Variants in DMD observed in about 807,000 individuals in gnomAD.
DMD encodes mutant dystrophin.
In DMD, 63 loss-of-function variants were observed where a neutral mutation model predicts 330.1. That is an observed-to-expected ratio of 0.19 (90% CI 0.16 to 0.24). The LOEUF is 0.24. Ranked by LOEUF, DMD falls within the 10% of genes least tolerant of loss-of-function variation. DMD has a pLI of 1.00. For synonymous variants in DMD, 1,223 were observed against 959.8 expected, an observed-to-expected ratio of 1.27 and a Z score of -5.07; for missense variants, 3,344 against 2,684.1, an observed-to-expected ratio of 1.25 and a Z score of -5.43.
At chrX:32,517,841 C>T (rs1033962446) in intron 18 of DMD, 167 bp downstream of exon 18, 1 of 574,239 alleles carries the variant, frequency 1.7e-6, no homozygotes, top group African/African-American at 2.3e-5. Context: ...TTTCTCTAGG[C>T]TAAACTTTGA....
At chrX:31,814,055 G>A (rs1482418767) in intron 50 of DMD, among the ~76,000 whole-genome samples, 1 of 110,757 alleles carries the variant, frequency 9.0e-6, no homozygotes, top group Non-Finnish European at 1.9e-5. Flanking sequence ...CCCTTATATA[G>A]TTGGTAGCAC....
At chrX:33,103,773 T>C (rs1192200145) in intron 1 of DMD, among the ~76,000 whole-genome samples, 1 of 111,823 alleles carries the variant, frequency 8.9e-6, no homozygotes, top group African/African-American at 3.2e-5. Context: ...TTTTGAGCTA[T>C]AATTTTTAAA....
intron 17 of DMD, among the ~76,000 whole-genome samples, chrX:32,523,148 G>A (rs183842718): frequency 3.3e-4 from 37 of 111,430 alleles, no homozygotes; most frequent in Non-Finnish European, 6.2e-4. Flanking sequence ...TTTGCACACT[G>A]TAGGGGCTCA....
At chrX:31,705,433 T>A (rs2084109405) in intron 52 of DMD, among the ~76,000 whole-genome samples, 1 of 112,568 alleles carries the variant, frequency 8.9e-6, no homozygotes, top group Non-Finnish European at 1.9e-5. Flanking sequence ...GTCTTAGGAG[T>A]CTTGGCCCTG....
At chrX:31,555,791 G>A (rs1055472205) in intron 55 of DMD, among the ~76,000 whole-genome samples, 7 of 112,071 alleles carry the variant, frequency 6.2e-5, no homozygotes, top group African/African-American at 1.9e-4. Context: ...GTTGTGTACT[G>A]CAGAATTCAA....
intron 60 of DMD, among the ~76,000 whole-genome samples, chrX:31,360,074 C>A (rs2058858073): frequency 9.3e-6 from 1 of 107,430 alleles, no homozygotes. Context: ...TTTTTTTTGG[C>A]ACTAGTAAAG....
chrX:31,640,112 C>A (rs1297405111), intron 54 of DMD, among the ~76,000 whole-genome samples: 2 of 111,627 alleles, frequency 1.8e-5, no homozygotes, highest in South Asian at 3.7e-4. Flanking sequence ...CATATACGAA[C>A]CTGAATTAAA....
chrX:31,658,642 G>A (rs917609395), intron 53 of DMD, among the ~76,000 whole-genome samples: 6 of 111,987 alleles, frequency 5.4e-5, no homozygotes, highest in South Asian at 3.7e-4. Context: ...TTCTAGTCAC[G>A]AATTTTTTGA....
intron 61 of DMD, among the ~76,000 whole-genome samples, chrX:31,342,601 G>A (rs1173737944): frequency 9.0e-6 from 1 of 110,611 alleles, no homozygotes; most frequent in African/African-American, 3.3e-5. Flanking sequence ...AACCTGGCTT[G>A]GAAAATATTC....
At chrX:32,404,915 G>A (rs903349393) in intron 30 of DMD, among the ~76,000 whole-genome samples, 5 of 111,177 alleles carry the variant, frequency 4.5e-5, no homozygotes, top group East Asian at 5.7e-4. Flanking sequence ...AAATTTGTGC[G>A]ATAGCTCTCA....
intron 44 of DMD, among the ~76,000 whole-genome samples, chrX:32,058,436 A>G (rs1331746715): frequency 9.1e-6 from 1 of 110,398 alleles, no homozygotes; most frequent in East Asian, 2.8e-4. Context: ...AATTGAATAG[A>G]TATTTCTCCA....
At chrX:32,193,294 A>G (rs2096984056) in intron 44 of DMD, among the ~76,000 whole-genome samples, 2 of 112,347 alleles carry the variant, frequency 1.8e-5, no homozygotes, top group African/African-American at 3.2e-5. Context: ...AAAGATTAAT[A>G]TAACACAACA....
intron 44 of DMD, among the ~76,000 whole-genome samples, chrX:32,006,356 G>A (rs1471188857): frequency 9.0e-6 from 1 of 111,650 alleles, no homozygotes; most frequent in African/African-American, 3.2e-5. Flanking sequence ...TAAAATAAAT[G>A]TTGGGAAATT....
intron 1 of DMD, among the ~76,000 whole-genome samples, chrX:33,171,142 A>G (rs1781548620): frequency 9.7e-6 from 1 of 103,295 alleles, no homozygotes. Context: ...TACTGAAATG[A>G]TAACTTCCGC....
chrX:31,627,898 A>G lies in DMD; in HGVS notation c.8028-36T>C, dbSNP rs369956942. ...CCAAATGTTCAGATGCAATTATTAA[A>G]TATCAGAATGGTGCACCTAGTGAAC... On this transcript the variant is annotated intron_variant, in intron 54 of 78. Transcript: ENST00000357033. 3.5e-6 allele frequency: 4 copies of G among 1,155,859 alleles called. No individual in the cohort carries two copies. In the African/African-American group the frequency reaches 7.1e-5, roughly 21 times the overall value.
chrX:32,190,340 A>G (rs1225829270), intron 44 of DMD, among the ~76,000 whole-genome samples: 1 of 108,975 alleles, frequency 9.2e-6, no homozygotes, highest in Non-Finnish European at 1.9e-5. Flanking sequence ...ACTAGACTGA[A>G]AAACTCCATC....
chrX:32,609,576 C>A (rs1265696955), intron 12 of DMD, among the ~76,000 whole-genome samples: 1 of 111,010 alleles, frequency 9.0e-6, no homozygotes, highest in Non-Finnish European at 1.9e-5. Context: ...ATGTCAGATC[C>A]TTTGGCAGAA....
chrX:31,151,901 G>A (rs2037462063), intron 74 of DMD, among the ~76,000 whole-genome samples: 2 of 112,035 alleles, frequency 1.8e-5, no homozygotes, highest in South Asian at 7.4e-4. Context: ...TGTAGAGCCT[G>A]TGGTCAATTC....
At chrX:31,717,424 T>C (rs967428693) in intron 52 of DMD, among the ~76,000 whole-genome samples, 2 of 111,988 alleles carry the variant, frequency 1.8e-5, no homozygotes, top group Admixed American at 1.9e-4. Context: ...TTTGGCATGG[T>C]ACCCAACATT....
Sources: allele counts gnomAD v4.1 joint callset (sites outside exome capture counted in the v4.1 genomes callset), GRCh38; gene constraint gnomAD v4.1.1; transcripts MANE v1.5; gene names NCBI Gene and HGNC (gene_info 2026-07-23, HGNC 2026-07-21).